Variants in GALNT13 observed in about 807,000 individuals in gnomAD.
GALNT13 encodes UDP-GalNAc:polypeptide N-acetylgalactosaminyltransferase 13.
Under a neutral mutation model 64.2 loss-of-function variants are expected in GALNT13, and 28 were observed. The observed-to-expected ratio is 0.44, with a 90% CI of 0.32 to 0.60. The LOEUF (loss-of-function observed/expected upper bound fraction) is 0.60. Among genes scored for constraint, GALNT13 ranks in the 20% least tolerant of loss-of-function variants. The pLI, the probability that GALNT13 is intolerant of heterozygous loss-of-function variation, is 0.05. For missense variants in GALNT13, 577 were observed against 669.8 expected (o/e 0.86, Z 1.53); for synonymous variants, 214 against 224.6 (o/e 0.95, Z 0.42).
chr2:153,285,147 T>A, the GALNT13 span, among the ~76,000 whole-genome samples: 1 of 151,124 alleles, frequency 6.6e-6, no homozygotes, highest in Non-Finnish European at 1.5e-5. Context: ...CAGGAGAGAA[T>A]GAATGCAAGC....
At chr2:153,126,936 T>TTGAA in the GALNT13 span, among the ~76,000 whole-genome samples, 5 of 152,074 alleles carry the variant, frequency 3.3e-5, no homozygotes, top group Admixed American at 1.3e-4. Context: ...TAATTTTTCG[T>TTGAA]TGGCTGGCTG....
intron 3 of GALNT13, among the ~76,000 whole-genome samples, chr2:154,123,665 T>C (rs939056735): frequency 6.6e-6 from 1 of 152,006 alleles, no homozygotes; most frequent in Non-Finnish European, 1.5e-5. Context: ...TCATTTCTTA[T>C]AAAGTTAAGA....
the GALNT13 span, among the ~76,000 whole-genome samples, chr2:153,652,614 C>G: frequency 6.6e-6 from 1 of 151,502 alleles, no homozygotes; most frequent in Non-Finnish European, 1.5e-5. Flanking sequence ...GACTCTGTCT[C>G]AAAAAAAGGA....
chr2:153,312,474 C>T, the GALNT13 span, among the ~76,000 whole-genome samples: 4 of 152,004 alleles, frequency 2.6e-5, no homozygotes, highest in Non-Finnish European at 5.9e-5. Flanking sequence ...TGTGTTGGCT[C>T]AAAAAACATT....
At chr2:153,484,904 T>C in the GALNT13 span, among the ~76,000 whole-genome samples, 1 of 152,250 alleles carries the variant, frequency 6.6e-6, no homozygotes, top group Admixed American at 6.5e-5. Context: ...ACTTGCTTCC[T>C]GGGTCTATCT....
At chr2:153,275,168 A>G in the GALNT13 span, among the ~76,000 whole-genome samples, 4 of 152,296 alleles carry the variant, frequency 2.6e-5, no homozygotes, top group Admixed American at 2.6e-4. Flanking sequence ...GGTGTATATT[A>G]TTCAGATTTT....
intron 4 of GALNT13, among the ~76,000 whole-genome samples, chr2:154,186,311 ATATGT>A: frequency 6.6e-6 from 1 of 152,196 alleles, no homozygotes; most frequent in East Asian, 1.9e-4. Context: ...AAAAAAACAG[ATATGT>A]TAGTTTGCAA....
At chr2:153,091,874 T>C in the GALNT13 span, among the ~76,000 whole-genome samples, 76 of 152,332 alleles carry the variant, frequency 5.0e-4, no homozygotes, top group African/African-American at 1.7e-3. Context: ...ATTTTTGCTT[T>C]GGTTATGTGC....
At chr2:153,849,546 G>T in the GALNT13 span, among the ~76,000 whole-genome samples, 1 of 152,146 alleles carries the variant, frequency 6.6e-6, no homozygotes, top group Non-Finnish European at 1.5e-5. Flanking sequence ...CTGAGAAAGG[G>T]GAAACAAACA....
chr2:153,852,259 A>G, the GALNT13 span, among the ~76,000 whole-genome samples: 1 of 152,224 alleles, frequency 6.6e-6, no homozygotes, highest in Non-Finnish European at 1.5e-5. Flanking sequence ...AAATATCATG[A>G]AACGCAACAA....
At chr2:153,868,678 C>T (rs1204331829), upstream of GALNT13, among the ~76,000 whole-genome samples, 1 of 152,180 alleles carries the variant, frequency 6.6e-6, no homozygotes, top group African/African-American at 2.4e-5. Context: ...AGCTGCTAAA[C>T]TCATATCCCT....
the GALNT13 span, among the ~76,000 whole-genome samples, chr2:153,811,015 A>G: frequency 6.6e-6 from 1 of 152,178 alleles, no homozygotes; most frequent in South Asian, 2.1e-4. Context: ...ATCATCAGTA[A>G]AATGCAGATA....
At chr2:153,857,453 C>G in the GALNT13 span, among the ~76,000 whole-genome samples, 3 of 152,092 alleles carry the variant, frequency 2.0e-5, no homozygotes, top group Admixed American at 1.3e-4. Flanking sequence ...ATAATCTAAC[C>G]CAAATCCAGG....
chr2:153,866,320 AT>A, the GALNT13 span, among the ~76,000 whole-genome samples: 228 of 151,766 alleles, frequency 1.5e-3, no homozygotes, highest in African/African-American at 5.3e-3. Flanking sequence ...ATAAAAAAAA[AT>A]AAATGGTTGG....
chr2:153,695,575 A>G, the GALNT13 span, among the ~76,000 whole-genome samples: 1 of 152,246 alleles, frequency 6.6e-6, no homozygotes, highest in African/African-American at 2.4e-5. Context: ...ATACATGTAG[A>G]GGAGAGAAGA....
the GALNT13 span, among the ~76,000 whole-genome samples, chr2:153,167,864 C>T: frequency 6.6e-6 from 1 of 152,164 alleles, no homozygotes; most frequent in African/African-American, 2.4e-5. Flanking sequence ...AGGAAAGGAA[C>T]AAAGAGGCTA....
At chr2:153,081,286 C>T in the GALNT13 span, among the ~76,000 whole-genome samples, 3 of 151,902 alleles carry the variant, frequency 2.0e-5, no homozygotes, top group Admixed American at 2.0e-4. Context: ...TGTTTTGATA[C>T]AGGTATGCAA....
chr2:153,455,818 G>A, the GALNT13 span, among the ~76,000 whole-genome samples: 1 of 152,096 alleles, frequency 6.6e-6, no homozygotes, highest in Non-Finnish European at 1.5e-5. Context: ...TGTGGCTCCC[G>A]AGCTCTTGCC....
At position 154,318,747 on chromosome 2, in the gene GALNT13, G is replaced by GATTAAATATTAAATATTAAATATTAAAT. The variant is rs1694460298; in HGVS notation, c.1156+17164_1156+17165insTATTAAATATTAAATATTAAATATTAAA. Among the ~76,000 whole-genome samples, 3 of 151,270 alleles carry GATTAAATATTAAATATTAAATATTAAAT rather than the reference G, an allele frequency of 2.0e-5. No homozygotes were observed. The South Asian group carries it at 6.3e-4, about 32-fold the overall frequency. On this transcript the variant is annotated intron_variant, in intron 9 of 12. Transcript: ENST00000392825. ...TTCAAAAAAAAAAAAAAAATCGTTA[G>GATTAAATATTAAATATTAAATATTAAAT]ATTAAAATATGATCTGAAAAACAGA...
Sources: gnomAD v4.1 joint callset for allele counts (sites outside exome capture counted in the v4.1 genomes callset) on GRCh38, gnomAD v4.1.1 for gene constraint, MANE v1.5 for transcripts, NCBI Gene and HGNC (gene_info 2026-07-23, HGNC 2026-07-21) for gene names.